The following PRKD3 variants were observed in gnomAD, a reference collection of about 807,000 sequenced individuals.
The protein encoded by PRKD3 is protein kinase D3.
In PRKD3, 47 loss-of-function variants were observed where a neutral mutation model predicts 99.2. The observed-to-expected ratio is 0.47, with a 90% CI of 0.38 to 0.60. The LOEUF (loss-of-function observed/expected upper bound fraction) is 0.60, where lower values mean the gene tolerates loss of function less well. Ranked by LOEUF, PRKD3 falls within the 20% of genes least tolerant of loss-of-function variation. The probability of loss-of-function intolerance (pLI) is 0.00; values close to 1 mark genes in which losing one functional copy is unlikely to be tolerated. For missense variants in PRKD3, 1,019 were observed against 1,088.4 expected (o/e 0.94, Z 0.90); for synonymous variants, 392 against 355.4 (o/e 1.10, Z -1.16).
intron 11 of PRKD3, among the ~76,000 whole-genome samples, chr2:37,273,258 A>G (rs989819331): frequency 2.0e-5 from 3 of 152,146 alleles, no homozygotes; most frequent in African/African-American, 7.2e-5. Flanking sequence ...CCTAGTTTTA[A>G]TTAGAATGAC....
At chr2:37,263,202 C>T (rs533877830) in intron 14 of PRKD3, among the ~76,000 whole-genome samples, 8 of 152,182 alleles carry the variant, frequency 5.3e-5, no homozygotes, top group Non-Finnish European at 7.4e-5. Flanking sequence ...AGTACAAAGG[C>T]GCTGATATAT....
At chr2:37,259,527 T>C (rs1668242514) in intron 16 of PRKD3, 56 bp downstream of exon 16, 1 of 1,357,820 alleles carries the variant, frequency 7.4e-7, no homozygotes, top group Non-Finnish European at 1.0e-6. Context: ...TTTTATTATG[T>C]GGGTGCTTTG....
chr2:37,306,652 TA>T (rs1370112454), intron 2 of PRKD3, among the ~76,000 whole-genome samples: 3 of 151,598 alleles, frequency 2.0e-5, no homozygotes, highest in Admixed American at 2.0e-4. Flanking sequence ...GTACAAAAAA[TA>T]AAAAAATTAG....
At chr2:37,322,794 T>G (rs1438607070) in intron 1 of PRKD3, among the ~76,000 whole-genome samples, 1 of 152,210 alleles carries the variant, frequency 6.6e-6, no homozygotes, top group East Asian at 1.9e-4. Flanking sequence ...CGATCTGAAT[T>G]ACATAATCAG....
chr2:37,273,334 C>G (rs1040838994), intron 11 of PRKD3, among the ~76,000 whole-genome samples: 2 of 152,082 alleles, frequency 1.3e-5, no homozygotes, highest in Non-Finnish European at 2.9e-5. Context: ...TACTTACACC[C>G]ATTCCAACCC....
intron 14 of PRKD3, among the ~76,000 whole-genome samples, chr2:37,262,902 C>CCG (rs75287527): frequency 0.11 from 16,919 of 151,544 alleles, 1,357 homozygotes; most frequent in East Asian, 0.35. Context: ...CCTTCCCCCC[C>CCG]CCGTATTTGT....
chr2:37,254,131 C>A, intron 18 of PRKD3, 73 bp downstream of exon 18: 1 of 1,099,292 alleles, frequency 9.1e-7, no homozygotes, highest in Non-Finnish European at 1.4e-6. Context: ...TTAGAGTGGT[C>A]TCATTAGGTG....
In PRKD3 at chr2:37,254,261, T is replaced by C. The variant is rs1572596373; in HGVS notation, c.2442A>G (p.Gln814=). 5 of 1,613,424 alleles carry C rather than the reference T, an allele frequency of 3.1e-6. No individual in the cohort carries two copies. Among genetic ancestry groups the C allele is most frequent in the Non-Finnish European group, 4.2e-6 (5 of 1,179,430 alleles). The change falls in exon 18 of 19, where the codon CAA becomes CAG. Residue 814 remains glutamine, a synonymous_variant. Coordinates refer to ENST00000234179, the MANE Select transcript of PRKD3 (RefSeq NM_005813.6). The part of the protein sequence containing the change: ...EAIDLINNLL[Q]VKMRKRYSVD... ...CACTGTAACGTTTTCTCATCTTCACTTGAAGCAGATTGTTTATCAGATCAA... is the reference window on the plus strand; with the variant it reads ...CACTGTAACGTTTTCTCATCTTCACCTGAAGCAGATTGTTTATCAGATCAA...
At chr2:37,316,111 T>G (rs1671643256) in intron 2 of PRKD3, 126 bp downstream of exon 2, 2 of 1,018,044 alleles carry the variant, frequency 2.0e-6, no homozygotes, top group Non-Finnish European at 2.9e-6. Flanking sequence ...TCATTAGAAC[T>G]CTTCCAAAAA....
intron 2 of PRKD3, among the ~76,000 whole-genome samples, chr2:37,294,664 A>C (rs1041334423): frequency 6.6e-6 from 1 of 152,212 alleles, no homozygotes; most frequent in Admixed American, 6.5e-5. Context: ...TCTTCATTTA[A>C]ATTTTAAAAT....
intron 6 of PRKD3, among the ~76,000 whole-genome samples, chr2:37,282,974 T>G (rs1024317859): frequency 3.3e-5 from 5 of 152,220 alleles, no homozygotes; most frequent in African/African-American, 1.2e-4. Flanking sequence ...AATCAGGACC[T>G]AATGTATATG....
intron 13 of PRKD3, chr2:37,268,494 A>G (rs1381343067): frequency 5.4e-6 from 2 of 367,292 alleles, no homozygotes; most frequent in Non-Finnish European, 1.1e-5. Flanking sequence ...TCTCACAGCC[A>G]ACGCTCCAAT....
chr2:37,321,031 A>G (rs560360651), intron 1 of PRKD3, among the ~76,000 whole-genome samples: 1 of 152,344 alleles, frequency 6.6e-6, no homozygotes, highest in African/African-American at 2.4e-5. Context: ...GAAAAATATT[A>G]AAACTAAATA....
rs73924799 is a variant in PRKD3, at chr2:37,304,238, C to T, written c.289-10967G>A. ...AAAAGAAGTGTTGACTATTGAGCAA[C>T]TAACTTAGCACTAATAAATTACACA... On this transcript the variant is annotated intron_variant, in intron 2 of 18. Transcript: ENST00000234179. 3.1e-3 allele frequency among the ~76,000 whole-genome samples: 445 copies of T among 145,882 alleles called. 2 individuals are homozygous for T. The highest frequency in any genetic ancestry group is 0.011 in the African/African-American group (419 of 39,848).
At position 37,316,585 on chromosome 2, in the gene PRKD3, T is replaced by C. The variant is rs1671669759; in HGVS notation, c.-61A>G. On this transcript the variant is annotated 5_prime_UTR_variant, in exon 2 of 19. Coordinates refer to ENST00000234179, the MANE Select transcript of PRKD3 (RefSeq NM_005813.6). ...TCTTTTTCAATGGTTATGAAGAGGT[T>C]TTTAAAATAACAGCAGTAAAGAAAA... 1.3e-6 allele frequency: 2 copies of C among 1,541,310 alleles called. No homozygotes were observed. Among genetic ancestry groups the C allele is most frequent in the Admixed American group, 4.3e-5 (2 of 46,722 alleles).
Position 37,319,389 on chromosome 2 carries a change from TTATTAGATAATAAAGG to T in PRKD3, c.-655-2226_-655-2211del, listed in dbSNP as rs567167624. ...TCAGCCTTATATCATTTTTCACTAT[TTATTAGATAATAAAGG>T]CATAAAGAATATGCTTATAAAATCC... On this transcript the variant is annotated intron_variant, in intron 1 of 18. Coordinates refer to ENST00000234179, the MANE Select transcript of PRKD3 (RefSeq NM_005813.6). 2.7e-4 allele frequency among the ~76,000 whole-genome samples: 41 copies of T among 152,288 alleles called. No individual in the cohort carries two copies. In the South Asian group the frequency reaches 7.7e-3, roughly 29 times the overall value.
At chr2:37,262,760 C>T (rs1456088115) in intron 14 of PRKD3, among the ~76,000 whole-genome samples, 2 of 152,138 alleles carry the variant, frequency 1.3e-5, no homozygotes, top group Admixed American at 6.5e-5. Context: ...CCCTTAACAA[C>T]TTCCTCTATT....
rs140092892 is a variant in PRKD3, at chr2:37,259,676, A to G, written c.2052T>C (p.Leu684=). The G allele has an allele frequency of 3.5e-5, 57 of 1,607,676 alleles. No individual in the cohort carries two copies. The African/African-American group carries it at 5.7e-4, about 16-fold the overall frequency. The change falls in exon 16 of 19, where the codon CTT becomes CTC. Residue 684 remains leucine (L), a synonymous_variant. Transcript: ENST00000234179. The part of the protein sequence containing the change: ...RITKFMVTQI[L]VALRNLHFKN... ...TAAAATGCAGATTCCTCAAAGCAAC[A>G]AGTATCTGTTATGAAAAAAGATTTT... is the stretch of plus-strand genomic sequence containing the variant.
intron 2 of PRKD3, among the ~76,000 whole-genome samples, chr2:37,300,527 T>C (rs777991736): frequency 7.9e-5 from 12 of 152,214 alleles, no homozygotes; most frequent in Middle Eastern, 3.2e-3. Context: ...AAGAGTAGAA[T>C]TGGACTGTTC....
Sources: allele counts gnomAD v4.1 joint callset (sites outside exome capture counted in the v4.1 genomes callset), GRCh38; gene constraint gnomAD v4.1.1; transcripts MANE v1.5; gene names NCBI Gene and HGNC (gene_info 2026-07-23, HGNC 2026-07-21).